The following MBNL1 variants were observed in gnomAD, a reference collection of about 807,000 sequenced individuals.
MBNL1 encodes the protein muscleblind-like protein 1.
In MBNL1, 8 loss-of-function variants were observed where a neutral mutation model predicts 42.2. The observed-to-expected ratio is 0.19, with a 90% CI of 0.11 to 0.34. The LOEUF (loss-of-function observed/expected upper bound fraction) is 0.34, where lower values mean the gene tolerates loss of function less well. Among genes scored for constraint, MBNL1 ranks in the 10% least tolerant of loss-of-function variants. The pLI, the probability that MBNL1 is intolerant of heterozygous loss-of-function variation, is 1.00. For missense variants in MBNL1, 309 were observed against 495.3 expected (o/e 0.62, Z 3.57); for synonymous variants, 169 against 173.9 (o/e 0.97, Z 0.22).
chr3:152,278,701 T>G (rs1249256262), intron 1 of MBNL1, among the ~76,000 whole-genome samples: 1 of 152,152 alleles, frequency 6.6e-6, no homozygotes, highest in African/African-American at 2.4e-5. Context: ...TGCTGAGGTC[T>G]TTTCCCTTAA....
At chr3:152,409,315 G>A (rs149219676) in intron 2 of MBNL1, among the ~76,000 whole-genome samples, 320 of 152,176 alleles carry the variant, frequency 2.1e-3, no homozygotes, top group Non-Finnish European at 3.9e-3. Flanking sequence ...TTGTGTGTGT[G>A]TGTTTATTCA....
At chr3:152,444,252 C>A (rs753339881) in intron 4 of MBNL1, among the ~76,000 whole-genome samples, 5 of 152,084 alleles carry the variant, frequency 3.3e-5, no homozygotes, top group Admixed American at 6.6e-5. Context: ...GTCAAAGTAT[C>A]CTGAATGAAG....
At chr3:152,258,516 A>G (rs373613632) in intron 2 of MBNL1, among the ~76,000 whole-genome samples, 1 of 152,272 alleles carries the variant, frequency 6.6e-6, no homozygotes, top group East Asian at 1.9e-4. Flanking sequence ...GTTGGTTGTC[A>G]GGGGGAGGTG....
intron 2 of MBNL1, among the ~76,000 whole-genome samples, chr3:152,321,136 CCAGATT>C: frequency 6.6e-6 from 1 of 152,058 alleles, no homozygotes; most frequent in South Asian, 2.1e-4. Flanking sequence ...AAAAAATGTT[CCAGATT>C]GTGTGTTGGT....
intron 2 of MBNL1, chr3:152,396,043 A>C (rs2097916903): frequency 6.2e-6 from 1 of 162,246 alleles, no homozygotes; most frequent in South Asian, 1.5e-4. Flanking sequence ...ATCAGTGACA[A>C]CGTGTTGGAT....
At chr3:152,313,705 A>G (rs1463015832) in intron 2 of MBNL1, among the ~76,000 whole-genome samples, 1 of 152,216 alleles carries the variant, frequency 6.6e-6, no homozygotes, top group Non-Finnish European at 1.5e-5. Flanking sequence ...ACATTGCACT[A>G]CAGGTCTCTG....
intron 2 of MBNL1, among the ~76,000 whole-genome samples, chr3:152,311,766 G>A (rs1203344670): frequency 2.0e-5 from 3 of 151,952 alleles, no homozygotes; most frequent in Non-Finnish European, 2.9e-5. Context: ...TATAAGAATC[G>A]TTGATTCTAT....
chr3:152,335,220 A>G, intron 2 of MBNL1: 5 of 1,289,762 alleles, frequency 3.9e-6, no homozygotes, highest in Non-Finnish European at 4.0e-6. Context: ...GGAGTTGGCT[A>G]ATGGATGCTG....
rs140788770 is a variant in MBNL1 at position 152,439,973 on chromosome 3, T to C, written c.550-5309T>C. ...CCTCTTGGGTTTGCACAGTCATTCATGGGAATGAATAAATGACAACGTGGA... is the reference window on the plus strand; with the variant it reads ...CCTCTTGGGTTTGCACAGTCATTCACGGGAATGAATAAATGACAACGTGGA... On this transcript the variant is annotated intron_variant, in intron 4 of 9. Coordinates refer to ENST00000324210, the MANE Select transcript of MBNL1 (RefSeq NM_021038.5). Among the ~76,000 whole-genome samples the C allele has an allele frequency of 4.4e-3, 676 of 152,364 alleles. 6 individuals carry two copies. The highest frequency in any genetic ancestry group is 0.016 in the African/African-American group (650 of 41,584).
chr3:152,248,954 T>A (rs1057494591), intron 2 of MBNL1, among the ~76,000 whole-genome samples: 14 of 152,000 alleles, frequency 9.2e-5, no homozygotes, highest in Non-Finnish European at 1.9e-4. Context: ...AACTCATCAT[T>A]TTTTATGGCT....
intron 2 of MBNL1, among the ~76,000 whole-genome samples, chr3:152,406,276 G>C (rs1239219028): frequency 6.6e-6 from 1 of 152,164 alleles, no homozygotes; most frequent in Non-Finnish European, 1.5e-5. Flanking sequence ...TGAAAAAAAA[G>C]TGAGACTTTC....
At chr3:152,290,250 TG>T (rs2055089345) in intron 1 of MBNL1, among the ~76,000 whole-genome samples, 1 of 152,092 alleles carries the variant, frequency 6.6e-6, no homozygotes, top group Non-Finnish European at 1.5e-5. Context: ...CTGAACAGTG[TG>T]GCAACTATTA....
intron 4 of MBNL1, among the ~76,000 whole-genome samples, chr3:152,437,747 C>A (rs1187481520): frequency 6.6e-6 from 1 of 151,204 alleles, no homozygotes; most frequent in African/African-American, 2.4e-5. Flanking sequence ...GACTTTGTTG[C>A]CAAGTACTTT....
intron 1 of MBNL1, among the ~76,000 whole-genome samples, chr3:152,297,258 T>TTG (rs2058926455): frequency 1.3e-5 from 2 of 151,290 alleles, no homozygotes; most frequent in South Asian, 2.1e-4. Flanking sequence ...ACCTTTGTTT[T>TTG]TTTTTTTTTT....
At chr3:152,372,967 C>G (rs954449951) in intron 2 of MBNL1, among the ~76,000 whole-genome samples, 1 of 152,250 alleles carries the variant, frequency 6.6e-6, no homozygotes, top group Non-Finnish European at 1.5e-5. Context: ...CTGACTGGGG[C>G]TGCTGCCTTT....
chr3:152,446,716 G>A (rs771185026), intron 5 of MBNL1: 1 of 1,613,818 alleles, frequency 6.2e-7, no homozygotes, highest in East Asian at 2.2e-5. Context: ...TCAGTCGGCT[G>A]TCAAATCACT....
At chr3:152,278,930 C>T (rs1364922778) in intron 1 of MBNL1, among the ~76,000 whole-genome samples, 1 of 151,932 alleles carries the variant, frequency 6.6e-6, no homozygotes, top group Non-Finnish European at 1.5e-5. Context: ...TAATGCAAGG[C>T]ACTATACAAG....
intron 1 of MBNL1, among the ~76,000 whole-genome samples, chr3:152,272,890 A>C (rs16864119): frequency 6.6e-6 from 1 of 152,264 alleles, no homozygotes; most frequent in Non-Finnish European, 1.5e-5. Flanking sequence ...GTGAGTGTTA[A>C]GCTGAAAAAA....
At chr3:152,372,489 A>G (rs570028188) in intron 2 of MBNL1, among the ~76,000 whole-genome samples, 5 of 152,128 alleles carry the variant, frequency 3.3e-5, no homozygotes, top group East Asian at 3.9e-4. Context: ...TTGTGTGGAC[A>G]TCGTTTTTGT....
Sources: allele counts gnomAD v4.1 joint callset (sites outside exome capture counted in the v4.1 genomes callset), GRCh38; gene constraint gnomAD v4.1.1; transcripts MANE v1.5; gene names NCBI Gene and HGNC (gene_info 2026-07-23, HGNC 2026-07-21).